PDE8A: variants seen among roughly 807,000 people sequenced by gnomAD.
PDE8A encodes the protein phosphodiesterase 8A.
Under a neutral mutation model 105.0 loss-of-function variants are expected in PDE8A, and 59 were observed. That is an observed-to-expected ratio of 0.56 (90% CI 0.46 to 0.70). PDE8A has a LOEUF of 0.70. Among genes scored for constraint, PDE8A ranks in the 30% least tolerant of loss-of-function variants. The pLI, the probability that PDE8A is intolerant of heterozygous loss-of-function variation, is 0.00. For missense variants in PDE8A, 1,014 were observed against 1,045.9 expected, an observed-to-expected ratio of 0.97 and a Z score of 0.42; for synonymous variants, 355 against 371.9, an observed-to-expected ratio of 0.95 and a Z score of 0.52.
At chr15:85,031,215 C>T (rs2080609598) in intron 1 of PDE8A, among the ~76,000 whole-genome samples, 1 of 152,206 alleles carries the variant, frequency 6.6e-6, no homozygotes, top group African/African-American at 2.4e-5. Context: ...GCAGACTAGA[C>T]TGAGGCCTGG....
chr15:85,115,399 TTG>T, intron 14 of PDE8A, 38 bp from the exon 15 acceptor site: 1 of 1,373,694 alleles, frequency 7.3e-7, no homozygotes, highest in Non-Finnish European at 1.0e-6. Flanking sequence ...GAAAGAATAG[TTG>T]TGACTTTTCT....
intron 2 of PDE8A, 135 bp from the exon 3 acceptor site, chr15:85,066,879 C>T (rs1361148866): frequency 6.7e-6 from 4 of 595,486 alleles, no homozygotes; most frequent in Admixed American, 3.3e-5. Flanking sequence ...GCAGAGGTTG[C>T]AGTGAGCCAA....
At chr15:84,993,248 C>G (rs2079915915) in intron 1 of PDE8A, among the ~76,000 whole-genome samples, 1 of 151,270 alleles carries the variant, frequency 6.6e-6, no homozygotes, top group South Asian at 2.1e-4. Context: ...TCAAGACCAT[C>G]CTGGCTAACA....
chr15:85,098,896 G>A (rs1474766770), intron 9 of PDE8A, among the ~76,000 whole-genome samples: 2 of 151,948 alleles, frequency 1.3e-5, no homozygotes, highest in Non-Finnish European at 2.9e-5. Context: ...GGTCGAGGCT[G>A]CAGTGAGCTA....
At chr15:85,048,039 CATT>C (rs2080914487) in intron 1 of PDE8A, among the ~76,000 whole-genome samples, 1 of 152,142 alleles carries the variant, frequency 6.6e-6, no homozygotes, top group Non-Finnish European at 1.5e-5. Flanking sequence ...TTTTGCCTCT[CATT>C]ATAATTTAGC....
intron 1 of PDE8A, among the ~76,000 whole-genome samples, chr15:85,059,990 A>G (rs2081118788): frequency 6.6e-6 from 1 of 152,212 alleles, no homozygotes; most frequent in Non-Finnish European, 1.5e-5. Context: ...CCTGGGTGAT[A>G]GAGCAGGACC....
chr15:85,070,716 C>A (rs973613488), intron 3 of PDE8A, among the ~76,000 whole-genome samples: 3 of 152,164 alleles, frequency 2.0e-5, no homozygotes, highest in African/African-American at 4.8e-5. Context: ...GAACAGCAGA[C>A]GTGAACCAAA....
intron 1 of PDE8A, among the ~76,000 whole-genome samples, chr15:84,994,507 A>G (rs1394815889): frequency 6.6e-6 from 1 of 152,206 alleles, no homozygotes; most frequent in Non-Finnish European, 1.5e-5. Flanking sequence ...ACATTTTATG[A>G]AAAATCTCAA....
At chr15:85,053,746 A>G (rs1326242166) in intron 1 of PDE8A, among the ~76,000 whole-genome samples, 5 of 152,370 alleles carry the variant, frequency 3.3e-5, no homozygotes, top group African/African-American at 4.8e-5. Context: ...CTAAATATAC[A>G]ATCATGTCAT....
intron 1 of PDE8A, among the ~76,000 whole-genome samples, chr15:85,038,958 C>T (rs1035524178): frequency 1.3e-5 from 2 of 151,982 alleles, no homozygotes; most frequent in Non-Finnish European, 2.9e-5. Context: ...CCCGTCTCTA[C>T]TAAAGATACA....
chr15:85,129,326 T>C (rs1008820616), intron 20 of PDE8A, among the ~76,000 whole-genome samples: 6 of 152,222 alleles, frequency 3.9e-5, no homozygotes, highest in African/African-American at 1.4e-4. Flanking sequence ...AGGATTGATA[T>C]TAATTCTTCT....
intron 1 of PDE8A, among the ~76,000 whole-genome samples, chr15:85,057,627 G>A (rs2081082919): frequency 6.6e-6 from 1 of 152,196 alleles, no homozygotes; most frequent in African/African-American, 2.4e-5. Flanking sequence ...CACGCTGGGA[G>A]CTGTAGACTG....
intron 3 of PDE8A, among the ~76,000 whole-genome samples, chr15:85,067,689 A>C (rs1028202368): frequency 6.6e-6 from 1 of 152,198 alleles, no homozygotes; most frequent in Non-Finnish European, 1.5e-5. Flanking sequence ...GGCAAATATA[A>C]AATTTTATGA....
At chr15:85,016,384 A>AT (rs35991556) in intron 1 of PDE8A, among the ~76,000 whole-genome samples, 54,492 of 151,696 alleles carry the variant, frequency 0.36, 10,885 homozygotes, top group South Asian at 0.5. Flanking sequence ...ATTCAGTTTA[A>AT]TCTTTTTTTC....
chr15:84,994,306 C>G (rs1049570699), intron 1 of PDE8A, among the ~76,000 whole-genome samples: 6 of 152,178 alleles, frequency 3.9e-5, no homozygotes, highest in African/African-American at 1.4e-4. Flanking sequence ...AAGTCCTATT[C>G]TGATTGCTGT....
intron 1 of PDE8A, among the ~76,000 whole-genome samples, chr15:85,058,224 G>A (rs1044830942): frequency 7.2e-5 from 11 of 152,156 alleles, no homozygotes; most frequent in African/African-American, 2.7e-4. Context: ...ACGATTATAG[G>A]TGCATACCAC....
chr15:85,113,902 A>G lies in PDE8A; in HGVS notation c.1215A>G (p.Glu405=). Reference sequence around the variant, plus strand: ...TCAATATTATCAATGCTGCCCAGGAAAGTAGTCCCATGCCTGTGACAGAAG... The same window carrying G: ...TCAATATTATCAATGCTGCCCAGGAGAGTAGTCCCATGCCTGTGACAGAAG... The part of the protein sequence containing the change: ...KVINIINAAQ[E]SSPMPVTEAL... Residue 405 remains glutamate (E), a synonymous_variant, in exon 14 of 22, where the codon GAA becomes GAG. Coordinates refer to ENST00000394553, the MANE Select transcript of PDE8A (RefSeq NM_002605.3). 1 of 1,613,436 alleles carries G rather than the reference A, an allele frequency of 6.2e-7. No homozygotes were observed. Among genetic ancestry groups the G allele is most frequent in the Non-Finnish European group, 8.5e-7 (1 of 1,179,394 alleles).
chr15:85,126,256 A>T lies in PDE8A; in HGVS notation c.2135A>T (p.Glu712Val). Reference protein sequence around the residue: ...EVINTMLRTPENRTLIKRMLI... With the variant: ...EVINTMLRTPVNRTLIKRMLI... Reference sequence around the variant, plus strand: ...ATAAACACTATGCTTAGGACTCCAGAGAACCGGACCCTAATCAAACGAATG... The same window carrying T: ...ATAAACACTATGCTTAGGACTCCAGTGAACCGGACCCTAATCAAACGAATG... The change falls in exon 20 of 22, where the codon GAG (glutamate) becomes GTG (valine). Residue 712 changes from glutamate to valine, a missense_variant. Glu to Val is a moderately radical substitution (Grantham distance 121). Transcript: ENST00000394553. 1 of 1,613,106 alleles carries T rather than the reference A, an allele frequency of 6.2e-7. No homozygotes were observed. The highest frequency in any genetic ancestry group is 1.1e-5 in the South Asian group (1 of 90,860).
In PDE8A at chr15:85,041,748, C is replaced by T. The variant is rs2080811738; in HGVS notation, c.187-22622C>T. ...AGGTTTAGGTTTCCTAAACCTTCAGCCTGGGCTGTTGCTGCTATTTGCAAT... is the reference window on the plus strand; with the variant it reads ...AGGTTTAGGTTTCCTAAACCTTCAGTCTGGGCTGTTGCTGCTATTTGCAAT... On this transcript the variant is annotated intron_variant, in intron 1 of 21. Coordinates refer to ENST00000394553, the MANE Select transcript of PDE8A (RefSeq NM_002605.3). 2.0e-5 allele frequency among the ~76,000 whole-genome samples: 3 copies of T among 152,184 alleles called. No homozygotes were observed. In the South Asian group the frequency reaches 6.2e-4, roughly 31 times the overall value.
Sources: gnomAD v4.1 joint callset for allele counts (sites outside exome capture counted in the v4.1 genomes callset) on GRCh38, gnomAD v4.1.1 for gene constraint, MANE v1.5 for transcripts, NCBI Gene and HGNC (gene_info 2026-07-23, HGNC 2026-07-21) for gene names.